Variants in ATAD2B observed in about 807,000 individuals in gnomAD.
ATAD2B encodes ATPase family AAA domain-containing protein 2B.
Under a neutral mutation model 167.6 loss-of-function variants are expected in ATAD2B, and 40 were observed. The ratio of observed to expected loss-of-function variants is 0.24; its 90% CI spans 0.19 to 0.31. The LOEUF (loss-of-function observed/expected upper bound fraction) is 0.31. ATAD2B is among the 10% of genes least tolerant of loss of function. The pLI is 1.00. For synonymous variants in ATAD2B, 579 were observed against 596.5 expected (o/e 0.97, Z 0.43); for missense variants, 1,242 against 1,757.2 (o/e 0.71, Z 5.24).
the ATAD2B span, among the ~76,000 whole-genome samples, chr2:23,740,008 T>C: frequency 1.3e-5 from 2 of 150,922 alleles, no homozygotes; most frequent in African/African-American, 2.4e-5. Flanking sequence ...CAGGAAGAAG[T>C]TGAACCTCTG....
rs1705013283 is a variant in ATAD2B at position 23,927,106 on chromosome 2, C to T, written c.-336G>A. ...CGAGCTCCGTGCGTCAAGGCTCCAG[C>T]GCCGCAGGGCCAACGAGACCGCTTC... On this transcript the variant is annotated 5_prime_UTR_variant, in exon 1 of 28. Transcript: ENST00000238789. 4.2e-6 allele frequency: 1 copy of T among 239,124 alleles called. No individual in the cohort carries two copies. The highest frequency in any genetic ancestry group is 8.1e-6 in the Non-Finnish European group (1 of 123,928). 14.8% of individuals were successfully genotyped at this position (239,124 alleles called of 1,614,324 possible). A position where few individuals can be genotyped will look rare whatever the true frequency, so the allele number is the denominator to read the frequency against.
intron 1 of ATAD2B, among the ~76,000 whole-genome samples, 163 bp downstream of exon 1, chr2:23,926,392 C>G (rs1704821533): frequency 6.6e-6 from 1 of 152,186 alleles, no homozygotes; most frequent in Non-Finnish European, 1.5e-5. Flanking sequence ...GCCAGCGTCG[C>G]GGCCCTTCTC....
chr2:23,844,467 A>G (rs1245005170), intron 13 of ATAD2B, among the ~76,000 whole-genome samples: 2 of 152,322 alleles, frequency 1.3e-5, no homozygotes, highest in Non-Finnish European at 2.9e-5. Flanking sequence ...AATCAATAAA[A>G]TAAAACTAAC....
chr2:23,713,395 T>C, the ATAD2B span, among the ~76,000 whole-genome samples: 2 of 121,900 alleles, frequency 1.6e-5, no homozygotes, highest in Non-Finnish European at 3.6e-5. Flanking sequence ...GCCCCTTTTT[T>C]ATGGAGGTTT....
chr2:23,850,417 A>G (rs562945556), intron 13 of ATAD2B, among the ~76,000 whole-genome samples: 7 of 152,302 alleles, frequency 4.6e-5, no homozygotes, highest in African/African-American at 1.7e-4. Context: ...GTCAATGCCT[A>G]TATTAGAAAA....
At position 23,758,102 on chromosome 2, in the gene ATAD2B, C is replaced by A; in HGVS notation, c.3395-1G>T. ...CGCCTTGATTTTCTCCGAACCCGAACTGTTTTACAAGGAAGGAAAAAAGAT... is the reference window on the plus strand; with the variant it reads ...CGCCTTGATTTTCTCCGAACCCGAAATGTTTTACAAGGAAGGAAAAAAGAT... On this transcript the variant is annotated splice_acceptor_variant, in intron 24 of 27. Coordinates refer to ENST00000238789, the MANE Select transcript of ATAD2B (RefSeq NM_017552.4). LOFTEE classifies it high-confidence loss of function. 1 of 1,558,224 alleles carries A rather than the reference C, an allele frequency of 6.4e-7. No homozygotes were observed.
At chr2:23,734,763 T>C in the ATAD2B span, among the ~76,000 whole-genome samples, 1 of 152,138 alleles carries the variant, frequency 6.6e-6, no homozygotes, top group Admixed American at 6.5e-5. Flanking sequence ...GGATTACAAT[T>C]CAACATGAGA....
intron 13 of ATAD2B, among the ~76,000 whole-genome samples, chr2:23,853,280 G>C (rs532581011): frequency 2.0e-5 from 3 of 152,184 alleles, no homozygotes; most frequent in Non-Finnish European, 4.4e-5. Flanking sequence ...AAAGGAAGAA[G>C]TAGAAGTACC....
chr2:23,714,626 A>G, the ATAD2B span, among the ~76,000 whole-genome samples: 1 of 151,640 alleles, frequency 6.6e-6, no homozygotes, highest in Admixed American at 6.6e-5. Flanking sequence ...AGGTCAAGGC[A>G]GGTGAATCAC....
At chr2:23,781,112 A>C (rs983923209) in intron 22 of ATAD2B, among the ~76,000 whole-genome samples, 1 of 151,780 alleles carries the variant, frequency 6.6e-6, no homozygotes, top group Non-Finnish European at 1.5e-5. Context: ...ACTACAATTA[A>C]ACATAAACAA....
chr2:23,904,533 C>CT (rs1573367540), intron 1 of ATAD2B, among the ~76,000 whole-genome samples: 2 of 108,626 alleles, frequency 1.8e-5, no homozygotes, highest in East Asian at 3.2e-4. Context: ...AAGGATTTTC[C>CT]TTCCTTTTTT....
chr2:23,899,625 C>G (rs970657655), intron 1 of ATAD2B, among the ~76,000 whole-genome samples: 1 of 152,018 alleles, frequency 6.6e-6, no homozygotes, highest in Non-Finnish European at 1.5e-5. Flanking sequence ...GAGTCTCGCT[C>G]TCTCACCCAA....
Position 23,819,879 on chromosome 2 carries a change from A to G in ATAD2B, c.2135T>C (p.Ile712Thr), listed in dbSNP as rs369042545. The G allele has an allele frequency of 6.8e-5, 107 of 1,573,668 alleles. No homozygotes were observed. Among genetic ancestry groups the G allele is most frequent in the East Asian group, 1.1e-4 (5 of 44,430 alleles). ...ACTATCCTCTAAAATTAAAGTTTCT[A>G]TATCTGTTTAAAAAAATCACAATGG... is the stretch of plus-strand genomic sequence containing the variant. ...EISQSDKKEDIETLILEDSED... is the reference protein window; with the variant it reads ...EISQSDKKEDTETLILEDSED... Residue 712 changes from isoleucine to threonine, a missense_variant, in exon 17 of 28, where the codon ATA becomes ACA. Around this residue, in one of 9 missense-constraint regions of ATAD2B, gnomAD observed 145 missense variants for 181.9 expected, o/e 0.80. Transcript: ENST00000238789.
At chr2:23,768,893 G>T (rs1445941952) in intron 22 of ATAD2B, among the ~76,000 whole-genome samples, 2 of 152,104 alleles carry the variant, frequency 1.3e-5, no homozygotes, top group Non-Finnish European at 2.9e-5. Flanking sequence ...AACACAATTT[G>T]TTTATCCATT....
Position 23,890,192 on chromosome 2 carries a change from G to A in ATAD2B, c.369-1793C>T, listed in dbSNP as rs779046513. Among the ~76,000 whole-genome samples, 135 of 152,116 alleles carry A rather than the reference G, an allele frequency of 8.9e-4. 2 individuals carry two copies. The highest frequency in any genetic ancestry group is 3.5e-3 in the Admixed American group (54 of 15,256). On this transcript the variant is annotated intron_variant, in intron 2 of 27. Coordinates refer to ENST00000238789, the MANE Select transcript of ATAD2B (RefSeq NM_017552.4). ...ATCGCGCCACTGCACTCCAGCCTGG[G>A]TGACAGAGCGAGACTCCGTCTAAAA...
At chr2:23,799,055 T>C (rs572298757) in intron 18 of ATAD2B, among the ~76,000 whole-genome samples, 2 of 152,304 alleles carry the variant, frequency 1.3e-5, no homozygotes, top group East Asian at 3.9e-4. Context: ...GGTTGGCTAT[T>C]AGTAAGCTGC....
intron 7 of ATAD2B, among the ~76,000 whole-genome samples, chr2:23,879,727 T>G (rs1290592556): frequency 6.6e-6 from 1 of 152,110 alleles, no homozygotes; most frequent in Non-Finnish European, 1.5e-5. Flanking sequence ...TTTTGTGACC[T>G]CGGGTAAGTC....
At chr2:23,853,309 A>G (rs1256594016) in intron 13 of ATAD2B, among the ~76,000 whole-genome samples, 2 of 152,264 alleles carry the variant, frequency 1.3e-5, no homozygotes, top group African/African-American at 2.4e-5. Context: ...CAGATAAGGT[A>G]TATGTATAAA....
At chr2:23,777,297 C>A (rs1179482232) in intron 22 of ATAD2B, among the ~76,000 whole-genome samples, 1 of 152,048 alleles carries the variant, frequency 6.6e-6, no homozygotes, top group Non-Finnish European at 1.5e-5. Flanking sequence ...TAGAATAATG[C>A]CTGCCACATA....
Sources: allele counts gnomAD v4.1 joint callset (sites outside exome capture counted in the v4.1 genomes callset), GRCh38; gene constraint gnomAD v4.1.1; regional missense constraint gnomAD v4.1.1; transcripts MANE v1.5; gene names NCBI Gene and HGNC (gene_info 2026-07-23, HGNC 2026-07-21).